JPH3: variants seen among roughly 807,000 people sequenced by gnomAD.
JPH3 encodes junctophilin 3.
Under a neutral mutation model 59.6 loss-of-function variants are expected in JPH3, and 11 were observed. The observed-to-expected ratio is 0.18, with a 90% CI of 0.12 to 0.31. The LOEUF is 0.31. Ranked by LOEUF, JPH3 falls within the 10% of genes least tolerant of loss-of-function variation. JPH3 has a pLI of 1.00. For synonymous variants in JPH3, 673 were observed against 483.6 expected (o/e 1.39, Z -5.14); for missense variants, 1,202 against 1,105.7 (o/e 1.09, Z -1.24).
chr16:87,643,471 C>T (rs1337527994), intron 1 of JPH3, among the ~76,000 whole-genome samples: 1 of 151,916 alleles, frequency 6.6e-6, no homozygotes, highest in South Asian at 2.1e-4. Flanking sequence ...GAATCTCTTC[C>T]ATGGTGTGTC....
chr16:87,623,055 C>T (rs539825143), intron 1 of JPH3, among the ~76,000 whole-genome samples: 1 of 152,262 alleles, frequency 6.6e-6, no homozygotes, highest in South Asian at 2.1e-4. Flanking sequence ...CAGGCCCCTC[C>T]CAGGCCAGCC....
rs74039510 is a variant in JPH3 at position 87,614,052 on chromosome 16, C to A, written c.382+10524C>A. 6.3e-3 allele frequency among the ~76,000 whole-genome samples: 960 copies of A among 152,306 alleles called. 19 individuals carry two copies. Among genetic ancestry groups the A allele is most frequent in the African/African-American group, 0.022 (908 of 41,570 alleles). ...AAACTGAGGCCCACCAAGGGAGGGG[C>A]CCTGCCCCAGGTCTCACAGTGAAGC... On this transcript the variant is annotated intron_variant, in intron 1 of 4. Coordinates refer to ENST00000284262, the MANE Select transcript of JPH3 (RefSeq NM_020655.4).
At chr16:87,666,364 CA>C (rs2032860462) in intron 2 of JPH3, among the ~76,000 whole-genome samples, 1 of 150,706 alleles carries the variant, frequency 6.6e-6, no homozygotes, top group South Asian at 2.1e-4. Flanking sequence ...GCTTATATTA[CA>C]GGCATGAGCC....
At position 87,667,513 on chromosome 16, in the gene JPH3, C is replaced by T. The variant is rs150696671; in HGVS notation, c.1161-16629C>T. On this transcript the variant is annotated intron_variant, in intron 2 of 4. Transcript: ENST00000284262. ...CCCCACCCTAAGCTGAAGTCGGGAG[C>T]GTGAGGACCCTTTATCTGGTCTTTG... 8.5e-5 allele frequency among the ~76,000 whole-genome samples: 13 copies of T among 152,298 alleles called. No homozygotes were observed. In the East Asian group the frequency reaches 2.1e-3, roughly 25 times the overall value.
chr16:87,639,639 C>T (rs1244622710), intron 1 of JPH3, among the ~76,000 whole-genome samples: 2 of 149,750 alleles, frequency 1.3e-5, no homozygotes, highest in African/African-American at 2.5e-5. Flanking sequence ...CTCCTGGCCT[C>T]CCGCCTGTCC....
rs370119866 is a variant in JPH3, at chr16:87,629,803, G to A, written c.383-14455G>A. ...CTTTGTGCACACCCATGGAAGGCGT[G>A]GACCCTGATGAAAACCATGGCTCTG... On this transcript the variant is annotated intron_variant, in intron 1 of 4. Coordinates refer to ENST00000284262, the MANE Select transcript of JPH3 (RefSeq NM_020655.4). Among the ~76,000 whole-genome samples, 13 of 152,120 alleles carry A rather than the reference G, an allele frequency of 8.5e-5. 1 individual carries two copies. The highest frequency in any genetic ancestry group is 7.9e-4 in the Admixed American group (12 of 15,266).
At chr16:87,692,589 C>CAT (rs2033624646) in intron 4 of JPH3, among the ~76,000 whole-genome samples, 1 of 113,330 alleles carries the variant, frequency 8.8e-6, no homozygotes, top group African/African-American at 3.8e-5. Context: ...TTCTAGCCCA[C>CAT]ATAGGGTCCC....
intron 1 of JPH3, among the ~76,000 whole-genome samples, chr16:87,633,482 C>CAAA (rs60063813): frequency 3.5e-4 from 51 of 144,202 alleles, no homozygotes; most frequent in African/African-American, 1.3e-3. Context: ...TAAGATTAAC[C>CAAA]AAAAAAAAAA....
chr16:87,642,014 A>G (rs2031970594), intron 1 of JPH3, among the ~76,000 whole-genome samples: 1 of 151,614 alleles, frequency 6.6e-6, no homozygotes, highest in Non-Finnish European at 1.5e-5. Context: ...AGCCCATGGG[A>G]TTCGATTGGA....
rs1269618215 is a variant in JPH3, at chr16:87,690,454, C to T, written c.2094C>T (p.Ser698=). The T allele has an allele frequency of 1.3e-6, 2 of 1,486,414 alleles. No individual in the cohort carries two copies. The highest frequency in any genetic ancestry group is 2.8e-5 in the South Asian group (2 of 70,518). The allele number at this position is 1,486,414 out of a possible 1,614,324, so 92.1% of individuals were successfully genotyped here. A position where few individuals can be genotyped will look rare whatever the true frequency, so the allele number is the denominator to read the frequency against. The part of the protein sequence containing the change: ...PRLLRWDLTF[S]PPQKSLPVAL... ...TGCTGCGTTGGGACTTGACCTTCTC[C>T]CCGCCCCAGAAATCCTTGCCTGTCG... Residue 698 remains serine, a synonymous_variant, in exon 4 of 5, where the codon TCC becomes TCT. Coordinates refer to ENST00000284262, the MANE Select transcript of JPH3 (RefSeq NM_020655.4).
At chr16:87,629,295 C>G (rs941732804) in intron 1 of JPH3, among the ~76,000 whole-genome samples, 7 of 150,756 alleles carry the variant, frequency 4.6e-5, no homozygotes, top group Non-Finnish European at 7.4e-5. Flanking sequence ...TCTGTCCCCA[C>G]TACAAAACAA....
chr16:87,653,330 G>A lies in JPH3; in HGVS notation c.1160+8295G>A, dbSNP rs1044832612. 2.0e-5 allele frequency among the ~76,000 whole-genome samples: 3 copies of A among 152,202 alleles called. No homozygotes were observed. The South Asian group carries it at 6.2e-4, about 32-fold the overall frequency. On this transcript the variant is annotated intron_variant, in intron 2 of 4. Transcript: ENST00000284262. The stretch of plus-strand genomic sequence containing the variant: ...GAGCTGTGCCTTGGGGCCCCTGCCT[G>A]TCCCCGCTCTGCTCTCTGCTGTGGC...
chr16:87,638,246 G>C (rs969200703), intron 1 of JPH3, among the ~76,000 whole-genome samples: 2 of 152,190 alleles, frequency 1.3e-5, no homozygotes, highest in Non-Finnish European at 2.9e-5. Context: ...TTTTTAATGA[G>C]ATGGGGTCTC....
rs2033956826 is a variant in JPH3 at position 87,697,794 on chromosome 16, C to T, written c.*1134C>T. ...CCTAAAATGTACAATGTAACTTGTT[C>T]AGTCCAACAAAAACAGGTTCCTTAT... On this transcript the variant is annotated 3_prime_UTR_variant, in exon 5 of 5. Transcript: ENST00000284262. 1.3e-5 allele frequency: 2 copies of T among 152,234 alleles called. No homozygotes were observed. Among genetic ancestry groups the T allele is most frequent in the African/African-American group, 4.8e-5 (2 of 41,452 alleles). The allele number at this position is 152,234 out of a possible 1,614,324, so 9.4% of individuals were successfully genotyped here. A position where few individuals can be genotyped will look rare whatever the true frequency, so the allele number is the denominator to read the frequency against.
rs754891479 is a variant in JPH3 at position 87,696,648 on chromosome 16, C to A, written c.2235C>A (p.Asn745Lys). Residue 745 changes from asparagine to lysine, a missense_variant, in exon 5 of 5, where the codon AAC (asparagine) becomes AAA (lysine). Asn to Lys is a moderately conservative substitution (Grantham distance 94). Transcript: ENST00000284262. ...TCGGAGTCGCCATTCTGTTTATTAACTTTTTCATCTGATGAGATGTCGCGG... is the reference window on the plus strand; with the variant it reads ...TCGGAGTCGCCATTCTGTTTATTAAATTTTTCATCTGATGAGATGTCGCGG... Reference protein sequence around the residue: ...LNIGVAILFINFFI With the variant: ...LNIGVAILFIKFFI 6.8e-6 allele frequency: 11 copies of A among 1,612,730 alleles called. No homozygotes were observed. Among genetic ancestry groups the A allele is most frequent in the Non-Finnish European group, 8.5e-6 (10 of 1,179,220 alleles).
At chr16:87,607,637 C>T (rs1009762089) in intron 1 of JPH3, among the ~76,000 whole-genome samples, 2 of 152,218 alleles carry the variant, frequency 1.3e-5, no homozygotes, top group Admixed American at 6.5e-5. Context: ...TTTAAACACA[C>T]GTTTATGCTG....
intron 1 of JPH3, among the ~76,000 whole-genome samples, chr16:87,605,541 T>A (rs530184031): frequency 2.0e-5 from 3 of 152,230 alleles, no homozygotes; most frequent in Non-Finnish European, 4.4e-5. Context: ...AGAAAGGATC[T>A]GATTCTGTGG....
intron 3 of JPH3, among the ~76,000 whole-genome samples, chr16:87,688,953 C>T (rs2033486212): frequency 6.6e-6 from 1 of 152,154 alleles, no homozygotes; most frequent in African/African-American, 2.4e-5. Flanking sequence ...ACAATGCTGC[C>T]CCTCCCTATC....
intron 1 of JPH3, among the ~76,000 whole-genome samples, chr16:87,628,730 T>C (rs569266102): frequency 6.6e-6 from 1 of 152,136 alleles, no homozygotes; most frequent in East Asian, 1.9e-4. Flanking sequence ...CCCGGATGTG[T>C]GGTGAGTGGC....
Sources: gnomAD v4.1 joint callset for allele counts (sites outside exome capture counted in the v4.1 genomes callset) on GRCh38, gnomAD v4.1.1 for gene constraint, MANE v1.5 for transcripts, NCBI Gene and HGNC (gene_info 2026-07-23, HGNC 2026-07-21) for gene names.